The following ZNF804A variants were observed in gnomAD, a reference collection of about 807,000 sequenced individuals.
The protein encoded by ZNF804A is zinc finger protein 804A.
In ZNF804A, 2 loss-of-function variants were observed where a neutral mutation model predicts 16.5. That is an observed-to-expected ratio of 0.12 (90% CI 0.05 to 0.38). ZNF804A has a LOEUF of 0.38. Ranked by LOEUF, ZNF804A falls within the 10% of genes least tolerant of loss-of-function variation. The pLI is 0.99. For missense variants in ZNF804A, 1,473 were observed against 1,390.7 expected, an observed-to-expected ratio of 1.06 and a Z score of -0.94; for synonymous variants, 534 against 489.6, an observed-to-expected ratio of 1.09 and a Z score of -1.20.
chr2:184,664,646 AT>A (rs1372612746), intron 1 of ZNF804A, among the ~76,000 whole-genome samples: 4 of 151,794 alleles, frequency 2.6e-5, no homozygotes, highest in Admixed American at 6.6e-5. Flanking sequence ...GTTCATCTTC[AT>A]GTTCTTTAGC....
intron 1 of ZNF804A, among the ~76,000 whole-genome samples, chr2:184,631,270 A>C (rs922792397): frequency 2.6e-5 from 4 of 152,056 alleles, no homozygotes; most frequent in Non-Finnish European, 4.4e-5. Flanking sequence ...AACTCCTTTC[A>C]CTCTGCTGTC....
chr2:184,632,230 A>C (rs887902937), intron 1 of ZNF804A, among the ~76,000 whole-genome samples: 1 of 152,078 alleles, frequency 6.6e-6, no homozygotes, highest in Non-Finnish European at 1.5e-5. Flanking sequence ...TATTTTTAAG[A>C]AAGTTTGAGT....
intron 2 of ZNF804A, among the ~76,000 whole-genome samples, chr2:184,913,990 T>A: frequency 6.6e-6 from 1 of 152,162 alleles, no homozygotes; most frequent in East Asian, 1.9e-4. Flanking sequence ...TACCTTTGGA[T>A]TCATTCTTCT....
Position 184,936,320 on chromosome 2 carries a change from A to G in ZNF804A, c.924A>G (p.Leu308=), listed in dbSNP as rs781388813. ...EVSSEKDALL[L]PSFCKFQLQL... is the part of the protein sequence containing the mutation. ...CTAGTGAAAAAGATGCATTATTATT[A>G]CCTTCATTTTGCAAGTTTCAACTTC... The change falls in exon 4 of 4, where the codon TTA becomes TTG. Residue 308 remains leucine, a synonymous_variant. Transcript: ENST00000302277. 1.9e-6 allele frequency: 3 copies of G among 1,613,786 alleles called. No homozygotes were observed. Among genetic ancestry groups the G allele is most frequent in the South Asian group, 2.2e-5 (2 of 91,066 alleles).
At chr2:184,910,893 AATTTG>A (rs1685345172) in intron 2 of ZNF804A, among the ~76,000 whole-genome samples, 1 of 152,054 alleles carries the variant, frequency 6.6e-6, no homozygotes, top group South Asian at 2.1e-4. Context: ...TCAGATGTAT[AATTTG>A]TAAATATTTT....
intron 2 of ZNF804A, among the ~76,000 whole-genome samples, chr2:184,889,049 C>A (rs1208767794): frequency 2.0e-5 from 3 of 151,892 alleles, no homozygotes; most frequent in Non-Finnish European, 4.4e-5. Context: ...TCATTTTGCC[C>A]TCCACATTAT....
chr2:184,760,111 G>T (rs1362167500), intron 1 of ZNF804A, among the ~76,000 whole-genome samples: 2 of 152,158 alleles, frequency 1.3e-5, no homozygotes, highest in South Asian at 2.1e-4. Flanking sequence ...GCAGGAACAG[G>T]CCATTTTCAC....
At chr2:184,864,141 T>C (rs1256608729) in intron 1 of ZNF804A, among the ~76,000 whole-genome samples, 1 of 152,084 alleles carries the variant, frequency 6.6e-6, no homozygotes, top group Non-Finnish European at 1.5e-5. Flanking sequence ...GTACAAGAAG[T>C]ATGGTGCTGT....
intron 1 of ZNF804A, among the ~76,000 whole-genome samples, chr2:184,849,002 T>C (rs1395937804): frequency 6.6e-6 from 1 of 151,974 alleles, no homozygotes; most frequent in Non-Finnish European, 1.5e-5. Context: ...TCTAGAAAAG[T>C]AGAAAAGGTA....
At chr2:184,872,788 C>T (rs896176005) in intron 2 of ZNF804A, among the ~76,000 whole-genome samples, 2 of 152,006 alleles carry the variant, frequency 1.3e-5, no homozygotes, top group African/African-American at 4.8e-5. Flanking sequence ...AGAATGAATA[C>T]GGTCCTGAAG....
chr2:184,874,030 T>G (rs918883391), intron 2 of ZNF804A, among the ~76,000 whole-genome samples: 2 of 152,272 alleles, frequency 1.3e-5, no homozygotes, highest in Middle Eastern at 3.4e-3. Flanking sequence ...AAAATTATTC[T>G]GCAGTGCAAA....
At chr2:184,744,083 T>TA (rs891674170) in intron 1 of ZNF804A, among the ~76,000 whole-genome samples, 2 of 151,882 alleles carry the variant, frequency 1.3e-5, no homozygotes, top group Non-Finnish European at 1.5e-5. Context: ...TGGGCACAAA[T>TA]AACACAGGAA....
At chr2:184,724,618 A>T (rs1693374951) in intron 1 of ZNF804A, among the ~76,000 whole-genome samples, 1 of 151,706 alleles carries the variant, frequency 6.6e-6, no homozygotes, top group Non-Finnish European at 1.5e-5. Flanking sequence ...TCACTCTGTT[A>T]TTGGCAAACT....
intron 2 of ZNF804A, among the ~76,000 whole-genome samples, chr2:184,878,735 T>G (rs1684756541): frequency 6.6e-6 from 1 of 152,118 alleles, no homozygotes; most frequent in Non-Finnish European, 1.5e-5. Flanking sequence ...AAAATGTATT[T>G]TCACATTTGT....
chr2:184,646,527 G>A (rs1173274084), intron 1 of ZNF804A, among the ~76,000 whole-genome samples: 2 of 152,074 alleles, frequency 1.3e-5, no homozygotes, highest in Non-Finnish European at 2.9e-5. Flanking sequence ...CAGAGATCTT[G>A]GTGCAAGGGG....
chr2:184,783,860 A>G (rs1390810814), intron 1 of ZNF804A, among the ~76,000 whole-genome samples: 1 of 151,982 alleles, frequency 6.6e-6, no homozygotes, highest in Non-Finnish European at 1.5e-5. Flanking sequence ...TTTGTATTAC[A>G]GAAAGTGGTT....
intron 1 of ZNF804A, among the ~76,000 whole-genome samples, chr2:184,851,667 C>T (rs1338255897): frequency 6.6e-6 from 1 of 151,876 alleles, no homozygotes; most frequent in Non-Finnish European, 1.5e-5. Context: ...GATATTTCTT[C>T]AACATACCAA....
At chr2:184,742,106 G>A (rs1035041005) in intron 1 of ZNF804A, among the ~76,000 whole-genome samples, 18 of 151,924 alleles carry the variant, frequency 1.2e-4, no homozygotes, top group African/African-American at 3.9e-4. Flanking sequence ...TGGTGTAAGT[G>A]TAAGGTACCA....
At chr2:184,886,670 T>G (rs1684896313) in intron 2 of ZNF804A, among the ~76,000 whole-genome samples, 1 of 152,244 alleles carries the variant, frequency 6.6e-6, no homozygotes, top group Non-Finnish European at 1.5e-5. Flanking sequence ...ACCTGCAGGC[T>G]CAACACCATG....
Sources: allele counts gnomAD v4.1 joint callset (sites outside exome capture counted in the v4.1 genomes callset), GRCh38; gene constraint gnomAD v4.1.1; transcripts MANE v1.5; gene names NCBI Gene and HGNC (gene_info 2026-07-23, HGNC 2026-07-21).